RCAN3: variants seen among roughly 807,000 people sequenced by gnomAD.
RCAN3 encodes calcipressin-3.
RCAN3 carries 19 observed loss-of-function variants against 21.9 expected under a neutral mutation model. That is an observed-to-expected ratio of 0.87 (90% CI 0.61 to 1.27). The LOEUF (loss-of-function observed/expected upper bound fraction) is 1.27. RCAN3 is among the 50% of genes most tolerant of loss of function. The pLI is 0.00. For missense variants in RCAN3, 240 were observed against 300.1 expected (o/e 0.80, Z 1.48); for synonymous variants, 114 against 112.3 (o/e 1.01, Z -0.09).
At chr1:24,531,690 G>A (rs1400647167) in intron 3 of RCAN3, among the ~76,000 whole-genome samples, 3 of 152,084 alleles carry the variant, frequency 2.0e-5, no homozygotes, top group African/African-American at 7.2e-5. Flanking sequence ...CCTAGTGTTC[G>A]GAAACTAACT....
intron 3 of RCAN3, among the ~76,000 whole-genome samples, chr1:24,532,334 C>G (rs1346508169): frequency 6.6e-6 from 1 of 152,096 alleles, no homozygotes; most frequent in African/African-American, 2.4e-5. Context: ...TCAAGTGATT[C>G]TCCCGCCTCC....
chr1:24,534,806 T>TA (rs1466525876), intron 4 of RCAN3, among the ~76,000 whole-genome samples: 4 of 152,108 alleles, frequency 2.6e-5, no homozygotes, highest in Admixed American at 6.5e-5. Context: ...CTCAAATAAA[T>TA]AAATTAATTA....
chr1:24,507,089 A>G (rs1647499432), intron 1 of RCAN3, among the ~76,000 whole-genome samples: 2 of 152,176 alleles, frequency 1.3e-5, no homozygotes, highest in Admixed American at 6.5e-5. Context: ...AAAAACCCAC[A>G]ATGGCATGCT....
chr1:24,540,267 G>T lies in RCAN3; in HGVS notation c.*4990G>T, dbSNP rs1650429068. The stretch of plus-strand genomic sequence containing the variant: ...TAGCCAAGGTCAAGAACTAACCTGG[G>T]GCTGAGTCAGCGTCTCTACCCACTT... On this transcript the variant is annotated 3_prime_UTR_variant, in exon 5 of 5. Coordinates refer to ENST00000374395, the MANE Select transcript of RCAN3 (RefSeq NM_013441.4). 6.6e-6 allele frequency: 1 copy of T among 152,480 alleles called. No individual in the cohort carries two copies. The highest frequency in any genetic ancestry group is 1.5e-5 in the Non-Finnish European group (1 of 68,028). The allele number at this position is 152,480 out of a possible 1,614,324, so 9.4% of individuals were successfully genotyped here.
intron 1 of RCAN3, among the ~76,000 whole-genome samples, chr1:24,504,001 A>G (rs1036742644): frequency 6.6e-6 from 1 of 152,246 alleles, no homozygotes; most frequent in East Asian, 1.9e-4. Context: ...CTGTAAACAC[A>G]TAATTCAGGA....
intron 2 of RCAN3, among the ~76,000 whole-genome samples, chr1:24,526,065 G>A (rs996609141): frequency 9.2e-5 from 14 of 152,070 alleles, no homozygotes; most frequent in African/African-American, 2.9e-4. Flanking sequence ...CTTGCTAATC[G>A]GTTCTTGCAT....
At chr1:24,502,716 G>A (rs1417486699), upstream of RCAN3, among the ~76,000 whole-genome samples, 1 of 151,454 alleles carries the variant, frequency 6.6e-6, no homozygotes, top group Non-Finnish European at 1.5e-5. Context: ...GGAGCGGGAG[G>A]AGGGCGCGCG....
chr1:24,511,850 G>A (rs1348865775), intron 1 of RCAN3, among the ~76,000 whole-genome samples: 5 of 152,130 alleles, frequency 3.3e-5, no homozygotes, highest in African/African-American at 9.7e-5. Context: ...TTGGGAAGCC[G>A]TTGCCATCCA....
At chr1:24,528,254 G>A (rs201227657) in intron 2 of RCAN3, among the ~76,000 whole-genome samples, 303 of 121,828 alleles carry the variant, frequency 2.5e-3, no homozygotes, top group Middle Eastern at 0.018. Flanking sequence ...TGGAAAAAAA[G>A]AAAAAAAAAA....
chr1:24,504,706 C>T (rs1308039062), intron 1 of RCAN3, among the ~76,000 whole-genome samples: 4 of 152,152 alleles, frequency 2.6e-5, no homozygotes, highest in African/African-American at 9.7e-5. Context: ...CTCTAAAGTT[C>T]AACACCGTTT....
chr1:24,540,806 A>G lies in RCAN3; in HGVS notation c.*5529A>G, dbSNP rs1199307608. ...CTCTTTGTATTGCAAAAAACTGGTCAGTAATTTATGTACATGTATTCCACA... is the reference window on the plus strand; with the variant it reads ...CTCTTTGTATTGCAAAAAACTGGTCGGTAATTTATGTACATGTATTCCACA... On this transcript the variant is annotated 3_prime_UTR_variant, in exon 5 of 5. Transcript: ENST00000374395. 1 of 152,226 alleles carries G rather than the reference A, an allele frequency of 6.6e-6. No homozygotes were observed. Among genetic ancestry groups the G allele is most frequent in the Middle Eastern group, 3.2e-3 (1 of 316 alleles). 9.4% of individuals were successfully genotyped at this position (152,226 alleles called of 1,614,324 possible). A position where few individuals can be genotyped will look rare whatever the true frequency, so the allele number is the denominator to read the frequency against.
At chr1:24,505,205 T>C (rs1425464514) in intron 1 of RCAN3, among the ~76,000 whole-genome samples, 1 of 150,390 alleles carries the variant, frequency 6.6e-6, no homozygotes, top group African/African-American at 2.5e-5. Context: ...TTTTTGTTGT[T>C]GCTTTGTTTT....
rs1570453932 is a variant in RCAN3 at position 24,514,512 on chromosome 1, C to T, written c.140C>T (p.Thr47Ile). The stretch of plus-strand genomic sequence containing the variant: ...ATGATGGATTTAAGTGATCTGCCTA[C>T]CTCACTTTTTGCTTGCAGCGTCCAT... ...DEMMDLSDLP[T>I]SLFACSVHEA... The change falls in exon 2 of 5, where the codon ACC becomes ATC. Residue 47 changes from threonine (T) to isoleucine (I), a missense_variant. Coordinates refer to ENST00000374395, the MANE Select transcript of RCAN3 (RefSeq NM_013441.4). 3 of 1,614,142 alleles carry T rather than the reference C, an allele frequency of 1.9e-6. No homozygotes were observed. The highest frequency in any genetic ancestry group is 2.5e-6 in the Non-Finnish European group (3 of 1,180,030).
chr1:24,534,955 TCTAAC>T, intron 4 of RCAN3, 133 bp from the exon 5 acceptor site: 1 of 794,066 alleles, frequency 1.3e-6, no homozygotes, highest in Non-Finnish European at 1.9e-6. Context: ...GATAAAATAC[TCTAAC>T]ATAGTATTTA....
chr1:24,504,533 C>T (rs1484014284), intron 1 of RCAN3, among the ~76,000 whole-genome samples: 1 of 152,198 alleles, frequency 6.6e-6, no homozygotes, highest in Admixed American at 6.5e-5. Context: ...ATTTTTCCTG[C>T]TGTTGAAATA....
At chr1:24,529,493 G>A (rs1260097883) in intron 2 of RCAN3, among the ~76,000 whole-genome samples, 1 of 150,296 alleles carries the variant, frequency 6.7e-6, no homozygotes, top group African/African-American at 2.4e-5. Flanking sequence ...TGAGGCTGCA[G>A]TGAACTCTGA....
intron 1 of RCAN3, among the ~76,000 whole-genome samples, chr1:24,507,357 C>CT (rs1647522514): frequency 1.3e-5 from 2 of 152,204 alleles, no homozygotes; most frequent in African/African-American, 4.8e-5. Flanking sequence ...CCATTGCCTC[C>CT]TTGGGAAGCT....
chr1:24,505,410 A>T (rs1201380406), intron 1 of RCAN3, among the ~76,000 whole-genome samples: 3 of 151,044 alleles, frequency 2.0e-5, no homozygotes. Flanking sequence ...TTTTGTAGAG[A>T]CGGGGTTTTT....
intron 1 of RCAN3, among the ~76,000 whole-genome samples, chr1:24,505,489 C>T (rs1263846160): frequency 1.3e-5 from 2 of 151,974 alleles, no homozygotes; most frequent in Admixed American, 1.3e-4. Flanking sequence ...TCCCAAAGTG[C>T]TGGGATTACA....
Sources: allele counts gnomAD v4.1 joint callset (sites outside exome capture counted in the v4.1 genomes callset), GRCh38; gene constraint gnomAD v4.1.1; transcripts MANE v1.5; gene names NCBI Gene and HGNC (gene_info 2026-07-23, HGNC 2026-07-21).